The following SDK1 variants were observed in gnomAD, a reference collection of about 807,000 sequenced individuals.
SDK1 encodes sidekick cell adhesion molecule 1.
Under a neutral mutation model 245.5 loss-of-function variants are expected in SDK1, and 157 were observed. The observed-to-expected ratio is 0.64, with a 90% CI of 0.56 to 0.73. The LOEUF is 0.73. SDK1 is among the 30% of genes least tolerant of loss of function. SDK1 has a pLI of 0.00. For synonymous variants in SDK1, 1,647 were observed against 1,278.5 expected, an observed-to-expected ratio of 1.29 and a Z score of -6.15; for missense variants, 3,583 against 3,002.3, an observed-to-expected ratio of 1.19 and a Z score of -4.52.
At chr7:3,340,213 G>A (rs1371394971) in intron 1 of SDK1, among the ~76,000 whole-genome samples, 2 of 151,852 alleles carry the variant, frequency 1.3e-5, no homozygotes, top group Non-Finnish European at 2.9e-5. Flanking sequence ...GAGATGTGGC[G>A]GATTTGGTTT....
At chr7:3,581,618 C>T (rs1281720379) in intron 1 of SDK1, among the ~76,000 whole-genome samples, 3 of 152,140 alleles carry the variant, frequency 2.0e-5, no homozygotes, top group African/African-American at 4.8e-5. Flanking sequence ...AACAGAACTA[C>T]CATTCAACCC....
At chr7:3,660,293 A>G (rs1246086066) in intron 4 of SDK1, among the ~76,000 whole-genome samples, 2 of 152,056 alleles carry the variant, frequency 1.3e-5, no homozygotes, top group African/African-American at 4.8e-5. Context: ...GGAGGGCCCA[A>G]TACCATGGAC....
chr7:3,638,697 A>G (rs1033391812), intron 2 of SDK1, among the ~76,000 whole-genome samples: 9 of 150,758 alleles, frequency 6.0e-5, no homozygotes, highest in African/African-American at 1.5e-4. Flanking sequence ...TGACGAGTTA[A>G]TGGGTGCAGC....
At chr7:3,387,391 C>A (rs1781636623) in intron 1 of SDK1, among the ~76,000 whole-genome samples, 1 of 152,128 alleles carries the variant, frequency 6.6e-6, no homozygotes, top group South Asian at 2.1e-4. Context: ...AGGAGCTCAC[C>A]CTGATGAAGG....
chr7:3,955,059 C>G (rs753042487), intron 7 of SDK1, among the ~76,000 whole-genome samples: 1 of 152,192 alleles, frequency 6.6e-6, no homozygotes, highest in Admixed American at 6.5e-5. Flanking sequence ...CACGCCTTCT[C>G]CACGGTCTCC....
At chr7:4,141,915 C>A (rs527960878) in intron 28 of SDK1, among the ~76,000 whole-genome samples, 3 of 152,148 alleles carry the variant, frequency 2.0e-5, no homozygotes, top group Non-Finnish European at 2.9e-5. Flanking sequence ...TGCCACCATG[C>A]CTGGCTAATT....
At chr7:3,353,235 T>A (rs55948465) in intron 1 of SDK1, among the ~76,000 whole-genome samples, 35,804 of 152,124 alleles carry the variant, frequency 0.24, 4,663 homozygotes, top group East Asian at 0.38. Flanking sequence ...CCCTTTTTAC[T>A]ATCCTTTTCT....
At position 3,542,663 on chromosome 7, in the gene SDK1, C is replaced by T. The variant is rs146649553; in HGVS notation, c.299-76417C>T. On this transcript the variant is annotated intron_variant, in intron 1 of 44. Coordinates refer to ENST00000404826, the MANE Select transcript of SDK1 (RefSeq NM_152744.4). ...TGTTAAAAATATTTTAATATCTTTA[C>T]AATAACTATTGGCTATGCCTTACAG... Among the ~76,000 whole-genome samples, 392 of 152,240 alleles carry T rather than the reference C, an allele frequency of 2.6e-3. 2 individuals carry two copies. The highest frequency in any genetic ancestry group is 9.0e-3 in the African/African-American group (373 of 41,554).
At chr7:4,015,875 G>A (rs1583835544) in intron 16 of SDK1, among the ~76,000 whole-genome samples, 2 of 152,296 alleles carry the variant, frequency 1.3e-5, no homozygotes, top group Middle Eastern at 3.4e-3. Context: ...CCCACCAAGT[G>A]TACATGGTCG....
At chr7:3,850,509 A>G (rs1477905800) in intron 5 of SDK1, among the ~76,000 whole-genome samples, 1 of 152,122 alleles carries the variant, frequency 6.6e-6, no homozygotes, top group South Asian at 2.1e-4. Flanking sequence ...ATTACTGGGT[A>G]TATACCCAAA....
chr7:3,602,379 G>A (rs1003484573), intron 1 of SDK1, among the ~76,000 whole-genome samples: 1 of 151,884 alleles, frequency 6.6e-6, no homozygotes, highest in Admixed American at 6.6e-5. Flanking sequence ...TCTAACTGGT[G>A]TGAGATGGTA....
At chr7:4,245,588 C>T (rs1786796894) in intron 43 of SDK1, 88 bp from the exon 44 acceptor site, 1 of 1,491,646 alleles carries the variant, frequency 6.7e-7, no homozygotes. Flanking sequence ...TAGTCCAACG[C>T]AATAAAGGCC....
intron 1 of SDK1, among the ~76,000 whole-genome samples, chr7:3,555,192 G>A (rs1779549070): frequency 6.6e-6 from 1 of 152,100 alleles, no homozygotes; most frequent in Non-Finnish European, 1.5e-5. Context: ...ATACTACAGA[G>A]CTATAGTAAC....
At chr7:4,214,281 C>T (rs1476192874) in intron 38 of SDK1, among the ~76,000 whole-genome samples, 1 of 152,218 alleles carries the variant, frequency 6.6e-6, no homozygotes, top group Non-Finnish European at 1.5e-5. Flanking sequence ...GGAGGATTCA[C>T]TAAAGCGTTT....
intron 40 of SDK1, among the ~76,000 whole-genome samples, chr7:4,223,823 T>G (rs1205845049): frequency 6.6e-6 from 1 of 152,206 alleles, no homozygotes; most frequent in Non-Finnish European, 1.5e-5. Context: ...GTAGGCCCTG[T>G]GACACTTCCA....
intron 5 of SDK1, among the ~76,000 whole-genome samples, chr7:3,914,875 C>A (rs1348543752): frequency 6.6e-6 from 1 of 152,180 alleles, no homozygotes. Context: ...AAAAGGAAAT[C>A]ATTTCAAAAG....
intron 1 of SDK1, among the ~76,000 whole-genome samples, chr7:3,362,641 A>G (rs1418504340): frequency 6.6e-6 from 1 of 152,186 alleles, no homozygotes; most frequent in Non-Finnish European, 1.5e-5. Flanking sequence ...TGATAAATTA[A>G]TTTGCATTTA....
chr7:4,119,841 AAGAT>A (rs1783949753), intron 25 of SDK1, among the ~76,000 whole-genome samples: 1 of 149,118 alleles, frequency 6.7e-6, no homozygotes, highest in African/African-American at 2.4e-5. Context: ...AAAAGAGAGA[AAGAT>A]AGAGGGCTTC....
chr7:3,733,006 T>G (rs149128472), intron 4 of SDK1, among the ~76,000 whole-genome samples: 1 of 152,326 alleles, frequency 6.6e-6, no homozygotes, highest in Non-Finnish European at 1.5e-5. Context: ...GTTTCCGTTT[T>G]TGTCAGTTGT....
Sources: gnomAD v4.1 joint callset for allele counts (sites outside exome capture counted in the v4.1 genomes callset) on GRCh38, gnomAD v4.1.1 for gene constraint, MANE v1.5 for transcripts, NCBI Gene and HGNC (gene_info 2026-07-23, HGNC 2026-07-21) for gene names.